The following VSNL1 variants were observed in gnomAD, a reference collection of about 807,000 sequenced individuals.
VSNL1 encodes the protein visinin-like protein 1.
VSNL1 carries 6 observed loss-of-function variants against 20.4 expected under a neutral mutation model. The observed-to-expected ratio is 0.29, with a 90% CI of 0.16 to 0.58. The LOEUF (loss-of-function observed/expected upper bound fraction) is 0.58, where lower values mean the gene tolerates loss of function less well. Among genes scored for constraint, VSNL1 ranks in the 20% least tolerant of loss-of-function variants. The pLI, the probability that VSNL1 is intolerant of heterozygous loss-of-function variation, is 0.90. For missense variants in VSNL1, 100 were observed against 234.5 expected (o/e 0.43, Z 3.75); for synonymous variants, 93 against 86.4 (o/e 1.08, Z -0.42).
rs575351167 is a variant in VSNL1, at chr2:17,586,414, G to A, written c.-5-5656G>A. Reference sequence around the variant, plus strand: ...GATTCTTGTATTCAGACAAGTTTAGGAAAGACTGCTTAAGAGGTTTCACCT... The same window carrying A: ...GATTCTTGTATTCAGACAAGTTTAGAAAAGACTGCTTAAGAGGTTTCACCT... On this transcript the variant is annotated intron_variant, in intron 1 of 3. Transcript: ENST00000295156. Among the ~76,000 whole-genome samples the A allele has an allele frequency of 9.8e-5, 15 of 152,300 alleles. No individual in the cohort carries two copies. The South Asian group carries it at 3.1e-3, about 32-fold the overall frequency.
chr2:17,644,955 C>T (rs1232177414), intron 2 of VSNL1, among the ~76,000 whole-genome samples: 1 of 152,172 alleles, frequency 6.6e-6, no homozygotes, highest in Non-Finnish European at 1.5e-5. Flanking sequence ...AATTTGAGAA[C>T]AAAAGAAACA....
intron 2 of VSNL1, among the ~76,000 whole-genome samples, chr2:17,648,478 T>G (rs1666047184): frequency 6.6e-6 from 1 of 152,260 alleles, no homozygotes; most frequent in Non-Finnish European, 1.5e-5. Context: ...AGTAATCTTC[T>G]ATAGACCTTG....
rs748821712 is a variant in VSNL1, at chr2:17,580,245, G to C, written c.-5-11825G>C. On this transcript the variant is annotated intron_variant, in intron 1 of 3. Coordinates refer to ENST00000295156, the MANE Select transcript of VSNL1 (RefSeq NM_003385.5). ...CTATGGTTGGGTCTAGAGTTGTCCAGTGAAGTCCAGAAAGGAATCTACCCA... is the reference window on the plus strand; with the variant it reads ...CTATGGTTGGGTCTAGAGTTGTCCACTGAAGTCCAGAAAGGAATCTACCCA... 5.3e-5 allele frequency among the ~76,000 whole-genome samples: 8 copies of C among 152,194 alleles called. 1 individual carries two copies. The highest frequency in any genetic ancestry group is 7.3e-5 in the Non-Finnish European group (5 of 68,038).
rs1023423174 is a variant in VSNL1 at position 17,634,440 on chromosome 2, C to T, written c.163-14970C>T. On this transcript the variant is annotated intron_variant, in intron 2 of 3. Coordinates refer to ENST00000295156, the MANE Select transcript of VSNL1 (RefSeq NM_003385.5). This position sits in a 1 kb window ranked among gnomAD's most constrained non-coding sequence, Gnocchi z 4.3. The stretch of plus-strand genomic sequence containing the variant: ...AGGCAATAGGAACTTCTGTCCCTTT[C>T]CATCTCAGCCTTTGCATTTAGCGGT... Among the ~76,000 whole-genome samples, 5 of 152,220 alleles carry T rather than the reference C, an allele frequency of 3.3e-5. No individual in the cohort carries two copies. The highest frequency in any genetic ancestry group is 2.0e-4 in the Admixed American group (3 of 15,290).
chr2:17,593,916 A>G (rs1042668001), intron 2 of VSNL1, among the ~76,000 whole-genome samples: 12 of 152,200 alleles, frequency 7.9e-5, no homozygotes, highest in African/African-American at 2.9e-4. Context: ...AACCACAAAG[A>G]AAGTACAGAC....
intron 2 of VSNL1, among the ~76,000 whole-genome samples, chr2:17,642,283 T>G (rs1052076491): frequency 1.3e-5 from 2 of 150,120 alleles, no homozygotes; most frequent in African/African-American, 4.9e-5. Context: ...TAGAGATGAT[T>G]CTGGCTTTTC....
chr2:17,564,812 A>C (rs771284200), intron 1 of VSNL1, among the ~76,000 whole-genome samples: 3 of 152,234 alleles, frequency 2.0e-5, no homozygotes, highest in Non-Finnish European at 4.4e-5. Flanking sequence ...AAATAGTTGC[A>C]ATGAACAAAA....
At chr2:17,606,517 T>C (rs927955652) in intron 2 of VSNL1, among the ~76,000 whole-genome samples, 1 of 152,192 alleles carries the variant, frequency 6.6e-6, no homozygotes, top group African/African-American at 2.4e-5. Flanking sequence ...AGGTTCCTTG[T>C]TGACAGCACT....
intron 1 of VSNL1, among the ~76,000 whole-genome samples, chr2:17,568,834 G>A (rs1664016648): frequency 6.6e-6 from 1 of 151,970 alleles, no homozygotes; most frequent in South Asian, 2.1e-4. Flanking sequence ...AACTTTAACT[G>A]GGTATATAAT....
At chr2:17,617,015 T>C (rs1665233589) in intron 2 of VSNL1, among the ~76,000 whole-genome samples, 1 of 152,224 alleles carries the variant, frequency 6.6e-6, no homozygotes, top group African/African-American at 2.4e-5. Context: ...TGGTTGTCAC[T>C]GAGAAACAGC....
At chr2:17,638,360 A>C (rs1454090673) in intron 2 of VSNL1, among the ~76,000 whole-genome samples, 1 of 152,222 alleles carries the variant, frequency 6.6e-6, no homozygotes, top group African/African-American at 2.4e-5. Flanking sequence ...TACAAAGTTT[A>C]ATTAAACCAG....
intron 2 of VSNL1, among the ~76,000 whole-genome samples, chr2:17,593,832 C>T (rs907769203): frequency 6.6e-6 from 1 of 152,128 alleles, no homozygotes; most frequent in African/African-American, 2.4e-5. Flanking sequence ...TACTACTCTC[C>T]CTAGTTTTCA....
At chr2:17,569,179 C>T (rs1405148937) in intron 1 of VSNL1, among the ~76,000 whole-genome samples, 2 of 151,788 alleles carry the variant, frequency 1.3e-5, no homozygotes. Flanking sequence ...TGGTGGCAGG[C>T]ACCTGTAATC....
At chr2:17,543,720 AG>A (rs549713922) in intron 1 of VSNL1, among the ~76,000 whole-genome samples, 18 of 152,216 alleles carry the variant, frequency 1.2e-4, no homozygotes, top group Non-Finnish European at 2.5e-4. Context: ...GCTTTTCCTC[AG>A]GCAGATCTTT....
chr2:17,618,119 GCTGT>G (rs1665263465), intron 2 of VSNL1, among the ~76,000 whole-genome samples: 1 of 152,202 alleles, frequency 6.6e-6, no homozygotes, highest in Admixed American at 6.5e-5. Flanking sequence ...GGTCAATGTT[GCTGT>G]CTGTGCTCAA....
intron 1 of VSNL1, among the ~76,000 whole-genome samples, chr2:17,543,442 G>C (rs1663338283): frequency 6.6e-6 from 1 of 152,216 alleles, no homozygotes; most frequent in Admixed American, 6.5e-5. Context: ...TGCAGCTGCA[G>C]AGATTAGGAC....
At chr2:17,548,935 G>A (rs1216650289) in intron 1 of VSNL1, among the ~76,000 whole-genome samples, 1 of 152,130 alleles carries the variant, frequency 6.6e-6, no homozygotes, top group African/African-American at 2.4e-5. Context: ...AGCCTCTAGT[G>A]ACTAATGTTC....
intron 2 of VSNL1, among the ~76,000 whole-genome samples, chr2:17,610,711 A>G (rs1332611414): frequency 4.6e-5 from 7 of 152,206 alleles, no homozygotes; most frequent in Non-Finnish European, 1.0e-4. Context: ...GAGGACAGAG[A>G]ACATGATGCG....
intron 2 of VSNL1, among the ~76,000 whole-genome samples, chr2:17,605,972 T>G (rs974130317): frequency 2.6e-5 from 4 of 152,248 alleles, no homozygotes; most frequent in Non-Finnish European, 5.9e-5. Flanking sequence ...TTCCAAGCAC[T>G]CTGCATATAT....
Sources: gnomAD v4.1 joint callset for allele counts (sites outside exome capture counted in the v4.1 genomes callset) on GRCh38, gnomAD v4.1.1 for gene constraint, Gnocchi (gnomAD v3.1) non-coding constraint, MANE v1.5 for transcripts, NCBI Gene and HGNC (gene_info 2026-07-23, HGNC 2026-07-21) for gene names.